NBEA: variants seen among roughly 807,000 people sequenced by gnomAD.
NBEA encodes neurobeachin, also known as lysosomal-trafficking regulator 2.
In NBEA, 44 loss-of-function variants were observed where a neutral mutation model predicts 343.4. The observed-to-expected ratio is 0.13, with a 90% CI of 0.10 to 0.16. The LOEUF is 0.16. Ranked by LOEUF, NBEA falls within the 10% of genes least tolerant of loss-of-function variation. The pLI, the probability that NBEA is intolerant of heterozygous loss-of-function variation, is 1.00. For missense variants in NBEA, 2,555 were observed against 3,631.3 expected (o/e 0.70, Z 7.62); for synonymous variants, 1,175 against 1,238.7 (o/e 0.95, Z 1.08).
chr13:35,298,209 GTGTATATATATATA>G (rs1426101045), intron 35 of NBEA, among the ~76,000 whole-genome samples: 1,052 of 60,806 alleles, frequency 0.017, 9 homozygotes, highest in African/African-American at 0.026. Context: ...GTGTGTGTGT[GTGTATATATATATA>G]TATATATATA....
chr13:35,242,779 A>G (rs2030544200), intron 34 of NBEA, among the ~76,000 whole-genome samples: 1 of 151,852 alleles, frequency 6.6e-6, no homozygotes, highest in African/African-American at 2.4e-5. Context: ...AAAAGAAACT[A>G]TCAACCAATA....
intron 41 of NBEA, among the ~76,000 whole-genome samples, chr13:35,537,791 T>C (rs947802434): frequency 6.6e-6 from 1 of 152,174 alleles, no homozygotes; most frequent in Non-Finnish European, 1.5e-5. Flanking sequence ...CAAAGGCCAG[T>C]GTGGCTTGAC....
chr13:34,967,589 T>C (rs1468981216), intron 1 of NBEA, among the ~76,000 whole-genome samples: 1 of 151,964 alleles, frequency 6.6e-6, no homozygotes, highest in Non-Finnish European at 1.5e-5. Flanking sequence ...CATAAATCGG[T>C]AGTGTGTTAG....
At chr13:35,375,178 A>G (rs1219235973) in intron 38 of NBEA, among the ~76,000 whole-genome samples, 3 of 152,116 alleles carry the variant, frequency 2.0e-5, no homozygotes, top group Non-Finnish European at 4.4e-5. Flanking sequence ...TACACACACA[A>G]CTTTTGAACG....
At chr13:35,085,340 TACAGGCAAACTGAATCCA>T (rs978880590) in intron 10 of NBEA, among the ~76,000 whole-genome samples, 1 of 152,008 alleles carries the variant, frequency 6.6e-6, no homozygotes, top group African/African-American at 2.4e-5. Flanking sequence ...CTCAATAAAA[TACAGGCAAACTGAATCCA>T]GCAGCACATC....
intron 1 of NBEA, among the ~76,000 whole-genome samples, chr13:34,996,773 G>A (rs1180099720): frequency 2.6e-5 from 4 of 152,114 alleles, no homozygotes; most frequent in Admixed American, 2.0e-4. Context: ...GTGTGTGCGT[G>A]TGTGTGTATG....
chr13:35,070,615 T>C, intron 9 of NBEA, 104 bp from the exon 10 acceptor site: 1 of 1,052,388 alleles, frequency 9.5e-7, no homozygotes, highest in Middle Eastern at 3.5e-4. Flanking sequence ...CTTAAAAATG[T>C]CCAAGTATGT....
intron 45 of NBEA, among the ~76,000 whole-genome samples, 189 bp from the exon 46 acceptor site, chr13:35,583,709 G>A (rs2081160594): frequency 6.6e-6 from 1 of 152,134 alleles, no homozygotes; most frequent in Non-Finnish European, 1.5e-5. Context: ...CTCTTGGGCA[G>A]TTTATAACAA....
chr13:34,953,752 T>C (rs73488153), intron 1 of NBEA, among the ~76,000 whole-genome samples: 1 of 152,288 alleles, frequency 6.6e-6, no homozygotes, highest in African/African-American at 2.4e-5. Flanking sequence ...TTGTCATTAT[T>C]CTCTAAACCA....
rs150659340 is a variant in NBEA at position 34,970,341 on chromosome 13, G to A, written c.294+27227G>A. Among the ~76,000 whole-genome samples, 11 of 152,026 alleles carry A rather than the reference G, an allele frequency of 7.2e-5. No homozygotes were observed. In the East Asian group the frequency reaches 1.4e-3, roughly 19 times the overall value. The stretch of plus-strand genomic sequence containing the variant: ...GGTTTGTAAAATTTTCTCCCATTCC[G>A]TAGGTTGTCTGTTTACCCTGTTGAT... On this transcript the variant is annotated intron_variant, in intron 1 of 58. Coordinates refer to ENST00000379939, the MANE Select transcript of NBEA (RefSeq NM_001385012.1).
intron 12 of NBEA, 32 bp downstream of exon 12, chr13:35,109,474 A>G: frequency 6.5e-7 from 1 of 1,544,458 alleles, no homozygotes; most frequent in Non-Finnish European, 8.7e-7. Context: ...AGTTTGATTT[A>G]GTGTAATGTT....
intron 39 of NBEA, among the ~76,000 whole-genome samples, chr13:35,445,272 T>A (rs1322597347): frequency 6.6e-6 from 1 of 152,158 alleles, no homozygotes; most frequent in Non-Finnish European, 1.5e-5. Flanking sequence ...TTTTTCAGTT[T>A]TAATTATGTA....
At chr13:34,993,873 C>T (rs1242010030) in intron 1 of NBEA, among the ~76,000 whole-genome samples, 1 of 151,886 alleles carries the variant, frequency 6.6e-6, no homozygotes, top group Non-Finnish European at 1.5e-5. Context: ...TATGTAGAAA[C>T]AGTAAAAGAT....
chr13:35,069,522 G>A (rs943519151), intron 8 of NBEA, among the ~76,000 whole-genome samples: 1 of 151,950 alleles, frequency 6.6e-6, no homozygotes, highest in Non-Finnish European at 1.5e-5. Context: ...TTCTCTATAA[G>A]TAATTCATGT....
chr13:35,475,019 T>A, intron 41 of NBEA: 1 of 1,582,500 alleles, frequency 6.3e-7, no homozygotes, highest in Non-Finnish European at 8.6e-7. Flanking sequence ...ATAAGGACTT[T>A]GAGAAGGGTA....
chr13:35,571,295 GGAAACTTCTGAATGAA>G (rs2080402975), intron 45 of NBEA, among the ~76,000 whole-genome samples: 1 of 152,000 alleles, frequency 6.6e-6, no homozygotes, highest in Non-Finnish European at 1.5e-5. Flanking sequence ...GTATCAGTTG[GGAAACTTCTGAATGAA>G]AGTTTCAGAA....
chr13:34,942,655 C>G lies in NBEA; in HGVS notation c.-166C>G. 2.6e-6 allele frequency: 1 copy of G among 391,562 alleles called. No homozygotes were observed. Among genetic ancestry groups the G allele is most frequent in the Non-Finnish European group, 4.3e-6 (1 of 233,552 alleles). 24.3% of individuals were successfully genotyped at this position (391,562 alleles called of 1,614,324 possible). ...CCGCCGCCTCCGCGGGGGAGAGCGC[C>G]GGAGCGGGCCGGGCTGAGGCGCAGG... On this transcript the variant is annotated 5_prime_UTR_variant, in exon 1 of 59. Coordinates refer to ENST00000379939, the MANE Select transcript of NBEA (RefSeq NM_001385012.1).
At chr13:35,639,848 T>C (rs763404525) in intron 49 of NBEA, among the ~76,000 whole-genome samples, 2 of 151,694 alleles carry the variant, frequency 1.3e-5, no homozygotes, top group Non-Finnish European at 2.9e-5. Flanking sequence ...GGGAGATGGA[T>C]GAATAGGTCA....
chr13:35,328,371 T>TA (rs1314655512), intron 36 of NBEA, among the ~76,000 whole-genome samples: 4 of 151,328 alleles, frequency 2.6e-5, no homozygotes, highest in Non-Finnish European at 3.0e-5. Flanking sequence ...TAAAAATAAA[T>TA]ACAGGGGGAA....
Sources: allele counts gnomAD v4.1 joint callset (sites outside exome capture counted in the v4.1 genomes callset), GRCh38; gene constraint gnomAD v4.1.1; transcripts MANE v1.5; gene names NCBI Gene and HGNC (gene_info 2026-07-23, HGNC 2026-07-21).